The following CNTNAP2 variants were observed in gnomAD, a reference collection of about 807,000 sequenced individuals.
CNTNAP2 encodes contactin associated protein 2, also known as contactin-associated protein-like 2.
In CNTNAP2, 98 loss-of-function variants were observed where a neutral mutation model predicts 155.2. The ratio of observed to expected loss-of-function variants is 0.63; its 90% CI spans 0.54 to 0.75. CNTNAP2 has a LOEUF of 0.75. Ranked by LOEUF, CNTNAP2 falls within the 30% of genes least tolerant of loss-of-function variation. CNTNAP2 has a pLI of 0.00. For missense variants in CNTNAP2, 1,727 were observed against 1,688.1 expected (o/e 1.02, Z -0.40); for synonymous variants, 651 against 631.2 (o/e 1.03, Z -0.47).
At chr7:147,076,163 G>A (rs1799996689) in intron 4 of CNTNAP2, among the ~76,000 whole-genome samples, 1 of 152,120 alleles carries the variant, frequency 6.6e-6, no homozygotes, top group African/African-American at 2.4e-5. Context: ...GGGACAGCTG[G>A]GTCAAATAGT....
At chr7:147,606,706 C>A (rs1801070494) in intron 12 of CNTNAP2, among the ~76,000 whole-genome samples, 1 of 152,110 alleles carries the variant, frequency 6.6e-6, no homozygotes, top group Non-Finnish European at 1.5e-5. Context: ...GTGATAAATG[C>A]AAACACAGAC....
intron 1 of CNTNAP2, among the ~76,000 whole-genome samples, chr7:146,137,811 A>G (rs1384766412): frequency 1.3e-5 from 2 of 151,960 alleles, no homozygotes; most frequent in Non-Finnish European, 2.9e-5. Context: ...AAGTAAAATC[A>G]TAATTTAAAA....
intron 13 of CNTNAP2, among the ~76,000 whole-genome samples, chr7:147,671,202 T>C (rs986839591): frequency 1.3e-5 from 2 of 152,216 alleles, no homozygotes; most frequent in African/African-American, 4.8e-5. Context: ...TCATGCTCTT[T>C]CCTGCAAGGA....
intron 9 of CNTNAP2, among the ~76,000 whole-genome samples, chr7:147,330,799 T>C (rs1354087285): frequency 2.0e-5 from 3 of 152,154 alleles, no homozygotes; most frequent in African/African-American, 7.2e-5. Context: ...TCAGAAATGC[T>C]GTGATTAGAG....
At chr7:147,455,504 A>G (rs59824938) in intron 10 of CNTNAP2, among the ~76,000 whole-genome samples, 34,478 of 151,976 alleles carry the variant, frequency 0.23, 4,337 homozygotes, top group East Asian at 0.36. Context: ...GTACATCTAC[A>G]TTTCTGTCTT....
At chr7:148,336,458 C>T (rs114963704) in intron 21 of CNTNAP2, among the ~76,000 whole-genome samples, 7,367 of 149,478 alleles carry the variant, frequency 0.049, 333 homozygotes, top group African/African-American at 0.12. Flanking sequence ...AAAAAAGTTT[C>T]GGTTGCTTTT....
intron 12 of CNTNAP2, chr7:147,638,776 A>G: frequency 6.8e-6 from 3 of 443,492 alleles, no homozygotes; most frequent in South Asian, 5.6e-5. Context: ...GTCAGCAAGA[A>G]GTTGGGACAT....
chr7:146,862,128 A>G (rs1444793429), intron 3 of CNTNAP2, among the ~76,000 whole-genome samples: 4 of 152,192 alleles, frequency 2.6e-5, no homozygotes, highest in African/African-American at 9.7e-5. Context: ...AAGACTTTAG[A>G]ATGCAGGACT....
chr7:147,134,472 T>A (rs962261239), intron 8 of CNTNAP2, among the ~76,000 whole-genome samples: 2 of 151,822 alleles, frequency 1.3e-5, no homozygotes, highest in Admixed American at 6.6e-5. Context: ...TATAATCCAG[T>A]GAAAATACCT....
chr7:146,384,636 A>C (rs1216322535), intron 1 of CNTNAP2, among the ~76,000 whole-genome samples: 1 of 152,194 alleles, frequency 6.6e-6, no homozygotes, highest in African/African-American at 2.4e-5. Flanking sequence ...TATGTAGAGA[A>C]AGAGTACTTT....
intron 13 of CNTNAP2, among the ~76,000 whole-genome samples, chr7:147,745,561 A>G (rs1384891336): frequency 6.6e-6 from 1 of 152,244 alleles, no homozygotes; most frequent in Non-Finnish European, 1.5e-5. Context: ...GCTTTATTCC[A>G]ATTACACGAT....
chr7:147,002,537 T>A (rs1007630988), intron 3 of CNTNAP2, among the ~76,000 whole-genome samples: 1 of 152,054 alleles, frequency 6.6e-6, no homozygotes, highest in Non-Finnish European at 1.5e-5. Context: ...TCACGAAATT[T>A]ACCCCCTTTA....
rs75979121 is a variant in CNTNAP2 at position 146,217,228 on chromosome 7, C to A, written c.97+100255C>A. On this transcript the variant is annotated intron_variant, in intron 1 of 23. Transcript: ENST00000361727. Reference sequence around the variant, plus strand: ...TAGTTATAGAATAAGAACCTTAACGCTTTTGTGATTATATAAAAATAAAAG... The same window carrying A: ...TAGTTATAGAATAAGAACCTTAACGATTTTGTGATTATATAAAAATAAAAG... 2.2e-3 allele frequency among the ~76,000 whole-genome samples: 328 copies of A among 152,212 alleles called. 8 individuals are homozygous for A. In the East Asian group the frequency reaches 0.046, roughly 21 times the overall value.
At chr7:146,233,154 A>G (rs1799414278) in intron 1 of CNTNAP2, among the ~76,000 whole-genome samples, 1 of 151,074 alleles carries the variant, frequency 6.6e-6, no homozygotes, top group Admixed American at 6.7e-5. Context: ...TCAGGTGAAA[A>G]AGAAAAATCC....
At chr7:148,175,373 G>A (rs1273189116) in intron 18 of CNTNAP2, among the ~76,000 whole-genome samples, 1 of 152,024 alleles carries the variant, frequency 6.6e-6, no homozygotes, top group Admixed American at 6.6e-5. Flanking sequence ...ACTATCTCTG[G>A]TCATAAAATA....
chr7:148,384,757 G>A (rs1799152709), intron 22 of CNTNAP2, among the ~76,000 whole-genome samples: 1 of 152,142 alleles, frequency 6.6e-6, no homozygotes, highest in African/African-American at 2.4e-5. Flanking sequence ...CTGGATTCCA[G>A]CACCATCACT....
chr7:148,138,698 G>A (rs1432875424), intron 16 of CNTNAP2, among the ~76,000 whole-genome samples: 1 of 152,078 alleles, frequency 6.6e-6, no homozygotes, highest in African/African-American at 2.4e-5. Flanking sequence ...TCTATCCCCA[G>A]AGTAACCATC....
intron 4 of CNTNAP2, among the ~76,000 whole-genome samples, chr7:147,065,880 A>G (rs2129263922): frequency 6.6e-6 from 1 of 152,228 alleles, no homozygotes; most frequent in Non-Finnish European, 1.5e-5. Context: ...GTCAATATTA[A>G]AATTAGGAGT....
intron 3 of CNTNAP2, among the ~76,000 whole-genome samples, chr7:146,977,285 C>T (rs530040289): frequency 4.6e-5 from 7 of 152,064 alleles, no homozygotes; most frequent in Admixed American, 2.6e-4. Flanking sequence ...CACATATACA[C>T]ACAGAATCAG....
Sources: allele counts gnomAD v4.1 joint callset (sites outside exome capture counted in the v4.1 genomes callset), GRCh38; gene constraint gnomAD v4.1.1; transcripts MANE v1.5; gene names NCBI Gene and HGNC (gene_info 2026-07-23, HGNC 2026-07-21).